The following CNTNAP2 variants were observed in gnomAD, a reference collection of about 807,000 sequenced individuals.
The protein encoded by CNTNAP2 is contactin associated protein 2.
A neutral mutation model predicts 155.2 loss-of-function variants in CNTNAP2; 98 were observed. The observed-to-expected ratio is 0.63, with a 90% confidence interval of 0.54 to 0.75. CNTNAP2 has a LOEUF of 0.75. CNTNAP2 is among the 30% of genes least tolerant of loss of function. The pLI, the probability that CNTNAP2 is intolerant of heterozygous loss-of-function variation, is 0.00. For synonymous variants in CNTNAP2, 651 were observed against 631.2 expected (o/e 1.03, Z -0.47); for missense variants, 1,727 against 1,688.1 (o/e 1.02, Z -0.40).
At chr7:146,506,743 C>A (rs977460842) in intron 1 of CNTNAP2, among the ~76,000 whole-genome samples, 1 of 152,214 alleles carries the variant, frequency 6.6e-6, no homozygotes, top group Non-Finnish European at 1.5e-5. Flanking sequence ...GGTGTCTCCT[C>A]CTTAGTGATC....
At chr7:147,734,022 G>T (rs1367902588) in intron 13 of CNTNAP2, among the ~76,000 whole-genome samples, 1 of 152,094 alleles carries the variant, frequency 6.6e-6, no homozygotes, top group African/African-American at 2.4e-5. Context: ...TCTCCTGCCT[G>T]ACTGCCCTGG....
chr7:147,977,660 G>A (rs560444949), intron 14 of CNTNAP2, among the ~76,000 whole-genome samples: 5 of 152,274 alleles, frequency 3.3e-5, no homozygotes, highest in Admixed American at 1.3e-4. Context: ...TCCAGAAGAT[G>A]AAGATGCCAG....
chr7:146,296,958 CTGTG>C lies in CNTNAP2; in HGVS notation c.97+180003_97+180006del, dbSNP rs141424842. Among the ~76,000 whole-genome samples the C allele has an allele frequency of 9.2e-3, 1,380 of 149,366 alleles. 20 individuals are homozygous for C. Among genetic ancestry groups the C allele is most frequent in the African/African-American group, 0.031 (1,261 of 41,040 alleles). The stretch of plus-strand genomic sequence containing the variant: ...GTATAAAGATTAAAGCAGGTATTAT[CTGTG>C]TGTGTGTGTGTGTGTGTTTCTGTGT... On this transcript the variant is annotated intron_variant, in intron 1 of 23. Coordinates refer to ENST00000361727, the MANE Select transcript of CNTNAP2 (RefSeq NM_014141.6).
At chr7:147,611,328 G>T (rs1801180475) in intron 12 of CNTNAP2, among the ~76,000 whole-genome samples, 1 of 152,112 alleles carries the variant, frequency 6.6e-6, no homozygotes, top group Non-Finnish European at 1.5e-5. Flanking sequence ...CCACACAGAT[G>T]AATTCTTGAC....
chr7:146,307,384 T>C (rs1800732725), intron 1 of CNTNAP2, among the ~76,000 whole-genome samples: 3 of 152,198 alleles, frequency 2.0e-5, no homozygotes, highest in Admixed American at 6.5e-5. Context: ...GAATCAATAT[T>C]GTGAAAATTG....
At chr7:146,531,792 G>T (rs1214701117) in intron 1 of CNTNAP2, among the ~76,000 whole-genome samples, 2 of 152,000 alleles carry the variant, frequency 1.3e-5, no homozygotes, top group African/African-American at 4.8e-5. Flanking sequence ...TGATCCACCC[G>T]CTTCAGCCTC....
chr7:148,347,904 C>T (rs1296300795), intron 21 of CNTNAP2, among the ~76,000 whole-genome samples: 1 of 152,218 alleles, frequency 6.6e-6, no homozygotes, highest in Non-Finnish European at 1.5e-5. Context: ...AAGCTGCTTG[C>T]TGCAAACATC....
At chr7:148,182,457 C>G (rs1795054727) in intron 18 of CNTNAP2, among the ~76,000 whole-genome samples, 3 of 152,192 alleles carry the variant, frequency 2.0e-5, no homozygotes, top group Admixed American at 2.0e-4. Flanking sequence ...TTTCTTCACT[C>G]CACAACCATT....
chr7:147,500,241 T>C (rs1042083168), intron 11 of CNTNAP2, among the ~76,000 whole-genome samples: 39 of 152,098 alleles, frequency 2.6e-4, no homozygotes, highest in Non-Finnish European at 4.4e-4. Flanking sequence ...ATGAGAGAGA[T>C]TATAAATCAG....
chr7:146,375,733 A>T (rs73738715), intron 1 of CNTNAP2, among the ~76,000 whole-genome samples: 13,009 of 152,260 alleles, frequency 0.085, 941 homozygotes, highest in African/African-American at 0.19. Flanking sequence ...TTATTTAAAC[A>T]TACTTGATTT....
chr7:146,599,780 A>AGATAGATC (rs1187218415), intron 1 of CNTNAP2, among the ~76,000 whole-genome samples: 27 of 152,032 alleles, frequency 1.8e-4, no homozygotes, highest in Non-Finnish European at 2.9e-4. Context: ...ATAGATAGAT[A>AGATAGATC]GATCTCTAGT....
chr7:147,469,535 G>A (rs56383752), intron 10 of CNTNAP2, among the ~76,000 whole-genome samples: 1 of 19,648 alleles, frequency 5.1e-5, no homozygotes, highest in Admixed American at 5.5e-4. Flanking sequence ...TTTTTTTTCT[G>A]TGAGACAAAG....
intron 14 of CNTNAP2, among the ~76,000 whole-genome samples, chr7:147,973,439 A>C (rs1801371614): frequency 6.6e-6 from 1 of 152,152 alleles, no homozygotes; most frequent in Non-Finnish European, 1.5e-5. Flanking sequence ...TGGGTAAGGA[A>C]TATCTGAGTG....
intron 1 of CNTNAP2, among the ~76,000 whole-genome samples, chr7:146,746,042 G>T (rs961893058): frequency 6.6e-6 from 1 of 152,118 alleles, no homozygotes; most frequent in African/African-American, 2.4e-5. Flanking sequence ...CTTCTCATTA[G>T]GATAATGGGG....
rs1804371190 is a variant in CNTNAP2 at position 148,112,405 on chromosome 7, C to T, written c.2384-5713C>T. 5.7e-5 allele frequency among the ~76,000 whole-genome samples: 8 copies of T among 140,520 alleles called. No homozygotes were observed. In the South Asian group the frequency reaches 1.8e-3, roughly 32 times the overall value. The allele number at this position is 140,520 out of a possible 152,430, so 92.2% of individuals were successfully genotyped here. A position where few individuals can be genotyped will look rare whatever the true frequency, so the allele number is the denominator to read the frequency against. On this transcript the variant is annotated intron_variant, in intron 15 of 23. Transcript: ENST00000361727. The stretch of plus-strand genomic sequence containing the variant: ...ATAGTCCTAAAATATGAATACTGTG[C>T]TAAATTTTAGTATTATTATTATTAT...
intron 1 of CNTNAP2, among the ~76,000 whole-genome samples, chr7:146,176,004 C>T (rs989023824): frequency 1.3e-5 from 2 of 152,196 alleles, no homozygotes; most frequent in Admixed American, 1.3e-4. Context: ...TCTAGTGTGT[C>T]TCTCACTTTC....
intron 1 of CNTNAP2, among the ~76,000 whole-genome samples, chr7:146,286,062 G>A (rs1032519425): frequency 1.6e-5 from 2 of 121,300 alleles, no homozygotes; most frequent in Non-Finnish European, 3.3e-5. Flanking sequence ...AGGAGTTGAA[G>A]TTTCCCAGGC....
At chr7:147,486,771 G>T (rs928879460) in intron 11 of CNTNAP2, among the ~76,000 whole-genome samples, 2 of 151,952 alleles carry the variant, frequency 1.3e-5, no homozygotes, top group Non-Finnish European at 2.9e-5. Flanking sequence ...TTCCAATAAT[G>T]CATCGCCATT....
Position 148,217,318 on chromosome 7 carries a change from G to T in CNTNAP2, c.3041G>T (p.Trp1014Leu). 6.2e-7 allele frequency: 1 copy of T among 1,613,972 alleles called. No individual in the cohort carries two copies. Among genetic ancestry groups the T allele is most frequent in the Non-Finnish European group, 8.5e-7 (1 of 1,179,974 alleles). ...DVGAFFEEGMWLRYNFQAPAT... is the reference protein window; with the variant it reads ...DVGAFFEEGMLLRYNFQAPAT... ...GGTGCATTTTTTGAAGAAGGGATGT[G>T]GCTACGATATAACTTTCAGGCACCA... The change falls in exon 19 of 24, where the codon TGG becomes TTG. Residue 1014 changes from tryptophan (W) to leucine (L), a missense_variant. By Grantham distance (61) the Trp-to-Leu change is moderately conservative (BLOSUM62 -2). Coordinates refer to ENST00000361727, the MANE Select transcript of CNTNAP2 (RefSeq NM_014141.6).
Sources: gnomAD v4.1 joint callset for allele counts (sites outside exome capture counted in the v4.1 genomes callset) on GRCh38, gnomAD v4.1.1 for gene constraint, MANE v1.5 for transcripts, NCBI Gene and HGNC (gene_info 2026-07-23, HGNC 2026-07-21) for gene names.